Variants in GIGYF2 observed in about 807,000 individuals in gnomAD.
GIGYF2 encodes the protein GRB10-interacting GYF protein 2.
GIGYF2 carries 25 observed loss-of-function variants against 208.1 expected under a neutral mutation model. The ratio of observed to expected loss-of-function variants is 0.12; its 90% CI spans 0.09 to 0.17. The LOEUF is 0.17. Ranked by LOEUF, GIGYF2 falls within the 10% of genes least tolerant of loss-of-function variation. The pLI is 1.00. For missense variants in GIGYF2, 1,302 were observed against 1,579.4 expected (o/e 0.82, Z 2.98); for synonymous variants, 534 against 543.8 (o/e 0.98, Z 0.25).
At position 232,796,225 on chromosome 2, in the gene GIGYF2, A is replaced by T; in HGVS notation, c.1639+4A>T. 1 of 1,580,220 alleles carries T rather than the reference A, an allele frequency of 6.3e-7. No homozygotes were observed. Among genetic ancestry groups the T allele is most frequent in the Non-Finnish European group, 8.7e-7 (1 of 1,149,036 alleles). ...GATCCTCAGGGAGAAATTCAAGGCA[A>T]GTTGTTCCTTTTTCCTTTAAATACT... On this transcript the variant is annotated splice_donor_region_variant and intron_variant, in intron 14 of 28. Transcript: ENST00000373563.
rs149349865 is a variant in GIGYF2 at position 232,732,410 on chromosome 2, A to G, written c.-43-2745A>G. On this transcript the variant is annotated intron_variant, in intron 2 of 28. Coordinates refer to ENST00000373563, the MANE Select transcript of GIGYF2 (RefSeq NM_001103146.3). ...TACTTCACTAATACTCCATGGCTGTATTTGCTTCTTTTCTGTTATACAATA... is the reference window on the plus strand; with the variant it reads ...TACTTCACTAATACTCCATGGCTGTGTTTGCTTCTTTTCTGTTATACAATA... Among the ~76,000 whole-genome samples the G allele has an allele frequency of 1.2e-3, 177 of 152,140 alleles. 1 individual carries two copies. The highest frequency in any genetic ancestry group is 4.0e-3 in the African/African-American group (166 of 41,486).
rs1019944260 is a variant in GIGYF2, at chr2:232,806,915, A to C, written c.1806+258A>C. ...AAACGGAATCCTTCAGTAGCATTCC[A>C]GCAGATGTAGAATGAAGACCAACAT... On this transcript the variant is annotated intron_variant, in intron 15 of 28. Transcript: ENST00000373563. The surrounding 1 kb of genome is among the most constrained non-coding windows in gnomAD (Gnocchi z 4.0). Among the ~76,000 whole-genome samples the C allele has an allele frequency of 1.9e-4, 29 of 152,322 alleles. No homozygotes were observed. The highest frequency in any genetic ancestry group is 3.4e-3 in the Middle Eastern group (1 of 294).
At chr2:232,779,361 C>G (rs144131735) in intron 8 of GIGYF2, among the ~76,000 whole-genome samples, 92 of 152,266 alleles carry the variant, frequency 6.0e-4, no homozygotes, top group African/African-American at 2.1e-3. Flanking sequence ...TCCCTAAAGG[C>G]ATTTGATTTT....
At chr2:232,822,225 G>A (rs935548553) in intron 21 of GIGYF2, among the ~76,000 whole-genome samples, 2 of 152,126 alleles carry the variant, frequency 1.3e-5, no homozygotes, top group Admixed American at 6.5e-5. Flanking sequence ...CACATTTTAA[G>A]ATATACTGAG....
In GIGYF2 at chr2:232,816,783, TTGAA is replaced by T; in HGVS notation, c.2209-83_2209-80del. On this transcript the variant is annotated intron_variant, in intron 19 of 28. Coordinates refer to ENST00000373563, the MANE Select transcript of GIGYF2 (RefSeq NM_001103146.3). ...AGTGCAGTACGGTACAAGCAGCTGA[TTGAA>T]TGAACGAATACTACTGGTCAGTGCT... 4.1e-6 allele frequency: 4 copies of T among 975,746 alleles called. No homozygotes were observed. In the East Asian group the frequency reaches 9.6e-5, roughly 23 times the overall value. The allele number at this position is 975,746 out of a possible 1,614,324, so 60.4% of individuals were successfully genotyped here.
chr2:232,776,562 G>C, intron 8 of GIGYF2: 1 of 801,742 alleles, frequency 1.2e-6, no homozygotes, highest in Non-Finnish European at 2.1e-6. Context: ...TCTCTTCTTG[G>C]ACTGGTTTTA....
At chr2:232,778,610 G>T (rs1013975426) in intron 8 of GIGYF2, among the ~76,000 whole-genome samples, 4 of 152,202 alleles carry the variant, frequency 2.6e-5, no homozygotes, top group African/African-American at 9.6e-5. Flanking sequence ...TGATAATTGA[G>T]TCTATAATAT....
At chr2:232,824,617 C>G (rs990804236) in intron 21 of GIGYF2, among the ~76,000 whole-genome samples, 1 of 152,188 alleles carries the variant, frequency 6.6e-6, no homozygotes, top group African/African-American at 2.4e-5. Context: ...AGGAAAGAAG[C>G]CATTTCCATA....
At chr2:232,744,191 T>C (rs11687128) in intron 3 of GIGYF2, among the ~76,000 whole-genome samples, 48,135 of 152,062 alleles carry the variant, frequency 0.32, 7,986 homozygotes, top group South Asian at 0.62. Flanking sequence ...ATGTTTAGTC[T>C]TGGGCATTGG....
At chr2:232,808,693 CTATT>C (rs1286320389) in intron 15 of GIGYF2, among the ~76,000 whole-genome samples, 8 of 152,160 alleles carry the variant, frequency 5.3e-5, no homozygotes, top group African/African-American at 1.7e-4. Flanking sequence ...CATGATTTAC[CTATT>C]TAGTCTGTCA....
At chr2:232,709,835 G>A (rs201585876) in intron 2 of GIGYF2, among the ~76,000 whole-genome samples, 2 of 152,060 alleles carry the variant, frequency 1.3e-5, no homozygotes, top group East Asian at 3.9e-4. Flanking sequence ...TAGAGGTGAA[G>A]CCTTAAGCCT....
chr2:232,811,018 C>T, intron 16 of GIGYF2: 1 of 479,532 alleles, frequency 2.1e-6, no homozygotes, highest in Non-Finnish European at 3.8e-6. Flanking sequence ...TTTTGCTATC[C>T]TCTTTCACTC....
chr2:232,719,368 A>G (rs868514569), intron 2 of GIGYF2, among the ~76,000 whole-genome samples: 2 of 152,284 alleles, frequency 1.3e-5, no homozygotes, highest in Middle Eastern at 3.4e-3. Context: ...CTTACTACGT[A>G]GATTTGTCAC....
chr2:232,812,053 T>C (rs981237210), intron 17 of GIGYF2, among the ~76,000 whole-genome samples: 2 of 152,224 alleles, frequency 1.3e-5, no homozygotes, highest in African/African-American at 4.8e-5. Context: ...ATATGCTGTC[T>C]CTGTGACTTC....
chr2:232,741,218 G>C (rs1299248113), intron 3 of GIGYF2, among the ~76,000 whole-genome samples: 1 of 152,112 alleles, frequency 6.6e-6, no homozygotes, highest in Non-Finnish European at 1.5e-5. Flanking sequence ...ATATGTGCCT[G>C]TTTGCTCAAG....
intron 9 of GIGYF2, among the ~76,000 whole-genome samples, chr2:232,790,431 C>G (rs1370458797): frequency 3.3e-5 from 5 of 152,142 alleles, no homozygotes; most frequent in Non-Finnish European, 7.4e-5. Flanking sequence ...ATACAGTGTC[C>G]TTTAAATGTA....
chr2:232,741,223 C>T (rs1468856443), intron 3 of GIGYF2, among the ~76,000 whole-genome samples: 1 of 152,124 alleles, frequency 6.6e-6, no homozygotes, highest in Non-Finnish European at 1.5e-5. Context: ...TGCCTGTTTG[C>T]TCAAGCTAGC....
At chr2:232,853,863 A>G (rs980951913) in intron 28 of GIGYF2, among the ~76,000 whole-genome samples, 5 of 152,238 alleles carry the variant, frequency 3.3e-5, no homozygotes, top group African/African-American at 1.2e-4. Context: ...CATTCAGCCA[A>G]AGGATGAATG....
At chr2:232,729,954 A>ATATC in intron 2 of GIGYF2, 1 of 723,482 alleles carries the variant, frequency 1.4e-6, no homozygotes, top group East Asian at 2.5e-5. Flanking sequence ...TTCCATATCC[A>ATATC]CAGGACCATA....
Sources: allele counts gnomAD v4.1 joint callset (sites outside exome capture counted in the v4.1 genomes callset), GRCh38; gene constraint gnomAD v4.1.1; non-coding constraint Gnocchi (gnomAD v3.1); transcripts MANE v1.5; gene names NCBI Gene and HGNC (gene_info 2026-07-23, HGNC 2026-07-21).